AGTPBP1: variants seen among roughly 807,000 people sequenced by gnomAD.
The protein encoded by AGTPBP1 is cytosolic carboxypeptidase 1.
AGTPBP1 carries 70 observed loss-of-function variants against 143.9 expected under a neutral mutation model. The observed-to-expected ratio is 0.49, with a 90% CI of 0.40 to 0.59. The LOEUF (loss-of-function observed/expected upper bound fraction) is 0.59, where lower values mean the gene tolerates loss of function less well. AGTPBP1 is among the 20% of genes least tolerant of loss of function. The pLI is 0.00. For missense variants in AGTPBP1, 1,229 were observed against 1,464.5 expected, an observed-to-expected ratio of 0.84 and a Z score of 2.62; for synonymous variants, 463 against 500.2, an observed-to-expected ratio of 0.93 and a Z score of 0.99.
intron 17 of AGTPBP1, among the ~76,000 whole-genome samples, chr9:85,618,554 C>T (rs890787115): frequency 6.6e-6 from 1 of 151,502 alleles, no homozygotes; most frequent in Non-Finnish European, 1.5e-5. Context: ...GTTTATTCCA[C>T]ACTTTTTTTT....
intron 25 of AGTPBP1, among the ~76,000 whole-genome samples, chr9:85,557,508 A>C (rs1826427373): frequency 6.6e-6 from 1 of 152,240 alleles, no homozygotes; most frequent in Non-Finnish European, 1.5e-5. Context: ...TACAGCGCTA[A>C]GAATTTTCTA....
chr9:85,657,652 A>C lies in AGTPBP1; in HGVS notation c.701-9T>G, dbSNP rs199918296. 3 of 1,582,506 alleles carry C rather than the reference A, an allele frequency of 1.9e-6. No individual in the cohort carries two copies. Among genetic ancestry groups the C allele is most frequent in the Non-Finnish European group, 2.6e-6 (3 of 1,164,810 alleles). On this transcript the variant is annotated splice_polypyrimidine_tract_variant and intron_variant, in intron 9 of 25. Coordinates refer to ENST00000357081, the MANE Select transcript of AGTPBP1 (RefSeq NM_001330701.2). ...TCTCCTGGCATTTGTTTCTTTAACA[A>C]AAGAAGATTGAGAAAGAATATTTTT...
chr9:85,679,368 GT>G (rs202104885), intron 4 of AGTPBP1, among the ~76,000 whole-genome samples: 2 of 150,642 alleles, frequency 1.3e-5, no homozygotes, highest in Admixed American at 6.6e-5. Context: ...TTTTTGAAGT[GT>G]TTTTTTTTGT....
chr9:85,733,868 T>C (rs1839046492), intron 1 of AGTPBP1, among the ~76,000 whole-genome samples: 1 of 152,176 alleles, frequency 6.6e-6, no homozygotes. Flanking sequence ...GATAAATTCC[T>C]AGAAACACAA....
intron 2 of AGTPBP1, among the ~76,000 whole-genome samples, chr9:85,701,262 C>A (rs1354126381): frequency 6.8e-6 from 1 of 146,850 alleles, no homozygotes; most frequent in Non-Finnish European, 1.5e-5. Flanking sequence ...TGGAGTCTTG[C>A]TCTGTCACCC....
chr9:85,683,934 C>A (rs1012271545), intron 3 of AGTPBP1, among the ~76,000 whole-genome samples: 1 of 152,064 alleles, frequency 6.6e-6, no homozygotes, highest in Admixed American at 6.6e-5. Context: ...CAAGCACCCC[C>A]ACCCCCACCA....
At chr9:85,767,433 C>T in the AGTPBP1 span, among the ~76,000 whole-genome samples, 9 of 151,760 alleles carry the variant, frequency 5.9e-5, no homozygotes, top group Non-Finnish European at 1.0e-4. Context: ...CTACAACCTC[C>T]GCCTGCCTGG....
chr9:85,724,625 C>T (rs999211165), intron 1 of AGTPBP1, among the ~76,000 whole-genome samples: 15 of 152,252 alleles, frequency 9.9e-5, no homozygotes, highest in African/African-American at 3.1e-4. Context: ...AAACCATATC[C>T]GCATAAATAC....
chr9:85,716,756 G>T (rs1837729566), intron 1 of AGTPBP1, among the ~76,000 whole-genome samples: 1 of 152,116 alleles, frequency 6.6e-6, no homozygotes, highest in South Asian at 2.1e-4. Context: ...TACACTGGGG[G>T]ACAGAAGAAG....
At chr9:85,662,998 T>A (rs1833931527) in intron 8 of AGTPBP1, among the ~76,000 whole-genome samples, 1 of 152,112 alleles carries the variant, frequency 6.6e-6, no homozygotes, top group African/African-American at 2.4e-5. Flanking sequence ...CCCAGCTTAC[T>A]ACACCTTGAG....
At chr9:85,788,607 CACTG>C in the AGTPBP1 span, among the ~76,000 whole-genome samples, 1 of 149,380 alleles carries the variant, frequency 6.7e-6, no homozygotes, top group South Asian at 2.1e-4. Flanking sequence ...TTGTTGAAGG[CACTG>C]ACCTTTTACC....
intron 9 of AGTPBP1, among the ~76,000 whole-genome samples, chr9:85,658,894 T>C (rs548868058): frequency 2.6e-5 from 4 of 152,256 alleles, no homozygotes; most frequent in Admixed American, 2.0e-4. Context: ...ATCACTTCCA[T>C]TGTTTTGACC....
intron 1 of AGTPBP1, among the ~76,000 whole-genome samples, chr9:85,733,381 G>A (rs1023458864): frequency 5.9e-5 from 9 of 152,140 alleles, no homozygotes; most frequent in African/African-American, 1.9e-4. Context: ...CTTAACCAAT[G>A]AATCAAAGAA....
the AGTPBP1 span, among the ~76,000 whole-genome samples, chr9:85,781,006 A>G: frequency 2.6e-5 from 4 of 152,278 alleles, no homozygotes; most frequent in African/African-American, 9.6e-5. Context: ...AGTCCCAGCT[A>G]CTTGGGAGGC....
rs546623555 is a variant in AGTPBP1 at position 85,665,996 on chromosome 9, T to C, written c.662+3489A>G. On this transcript the variant is annotated intron_variant, in intron 8 of 25. Coordinates refer to ENST00000357081, the MANE Select transcript of AGTPBP1 (RefSeq NM_001330701.2). The stretch of plus-strand genomic sequence containing the variant: ...GTTAGATTTATTGAAATGCATAGTT[T>C]GTAGTTAATTAATTAAAATTTCTCA... Among the ~76,000 whole-genome samples, 9 of 152,260 alleles carry C rather than the reference T, an allele frequency of 5.9e-5. No homozygotes were observed. The Middle Eastern group carries it at 0.01, about 173-fold the overall frequency.
chr9:85,617,852 T>G (rs1830682526), intron 17 of AGTPBP1, among the ~76,000 whole-genome samples: 1 of 152,076 alleles, frequency 6.6e-6, no homozygotes, highest in African/African-American at 2.4e-5. Context: ...ATTTAACAAC[T>G]TAGAAGAAAT....
the AGTPBP1 span, among the ~76,000 whole-genome samples, chr9:85,794,620 G>A: frequency 6.9e-4 from 105 of 152,148 alleles, no homozygotes; most frequent in South Asian, 4.6e-3. Context: ...ACATTTGTTC[G>A]TTATTTGGGG....
In AGTPBP1 at chr9:85,592,576, G is replaced by A. The variant is rs760300826; in HGVS notation, c.2552C>T (p.Thr851Met). The part of the protein sequence containing the change: ...VCYFAYHYPY[T>M]YSTLQMHLQK... ...AGTTCTTACCTGTAAAGTTGAATACGTATATGGATAGTGATAAGCAAAGTA... is the reference window on the plus strand; with the variant it reads ...AGTTCTTACCTGTAAAGTTGAATACATATATGGATAGTGATAAGCAAAGTA... The change falls in exon 19 of 26, where the codon ACG (threonine) becomes ATG (methionine). Residue 851 changes from threonine (T) to methionine (M), a missense_variant. Physicochemically the swap from Thr to Met is moderately conservative, Grantham distance 81. Around this residue, in one of 2 missense-constraint regions of AGTPBP1, gnomAD observed 486 missense variants for 652.3 expected, o/e 0.75. Coordinates refer to ENST00000357081, the MANE Select transcript of AGTPBP1 (RefSeq NM_001330701.2). 1.2e-6 allele frequency: 2 copies of A among 1,605,838 alleles called. No homozygotes were observed. The highest frequency in any genetic ancestry group is 2.2e-5 in the East Asian group (1 of 44,464).
chr9:85,604,256 G>A (rs1020342859), intron 17 of AGTPBP1, among the ~76,000 whole-genome samples: 5 of 152,186 alleles, frequency 3.3e-5, no homozygotes, highest in African/African-American at 1.2e-4. Context: ...CCTAGCTCCA[G>A]GCAACTCAGC....
Sources: allele counts gnomAD v4.1 joint callset (sites outside exome capture counted in the v4.1 genomes callset), GRCh38; gene constraint gnomAD v4.1.1; regional missense constraint gnomAD v4.1.1; transcripts MANE v1.5; gene names NCBI Gene and HGNC (gene_info 2026-07-23, HGNC 2026-07-21).